SLC24A2: variants seen among roughly 807,000 people sequenced by gnomAD.
The protein encoded by SLC24A2 is solute carrier family 24 member 2, also known as sodium/potassium/calcium exchanger 2.
Under a neutral mutation model 62.0 loss-of-function variants are expected in SLC24A2, and 36 were observed. The observed-to-expected ratio is 0.58, with a 90% confidence interval of 0.44 to 0.77. The LOEUF (loss-of-function observed/expected upper bound fraction) is 0.77, where lower values mean the gene tolerates loss of function less well. SLC24A2 is among the 30% of genes least tolerant of loss of function. The probability of loss-of-function intolerance (pLI) is 0.00; values close to 1 mark genes in which losing one functional copy is unlikely to be tolerated. For synonymous variants in SLC24A2, 358 were observed against 294.0 expected (o/e 1.22, Z -2.23); for missense variants, 846 against 817.9 (o/e 1.03, Z -0.42).
chr9:19,859,477 C>T, the SLC24A2 span, among the ~76,000 whole-genome samples: 239 of 152,060 alleles, frequency 1.6e-3, 7 homozygotes, highest in South Asian at 0.047. Flanking sequence ...CAAACGTGCA[C>T]GTGTATCCCT....
chr9:19,818,007 C>G, the SLC24A2 span, among the ~76,000 whole-genome samples: 3 of 152,084 alleles, frequency 2.0e-5, no homozygotes, highest in Non-Finnish European at 4.4e-5. Context: ...TTTAGCCTCC[C>G]AAAGTGCTGG....
At chr9:20,173,037 A>T in the SLC24A2 span, among the ~76,000 whole-genome samples, 820 of 152,194 alleles carry the variant, frequency 5.4e-3, 13 homozygotes, top group African/African-American at 0.019. Context: ...CATAAACAAG[A>T]CAATAAATGT....
chr9:19,616,153 AT>A (rs952578455), intron 4 of SLC24A2, among the ~76,000 whole-genome samples: 6 of 151,798 alleles, frequency 4.0e-5, no homozygotes, highest in Non-Finnish European at 8.8e-5. Flanking sequence ...GGAAGAAGAC[AT>A]TTTTTTTCAC....
chr9:20,046,314 A>G, the SLC24A2 span, among the ~76,000 whole-genome samples: 1 of 152,208 alleles, frequency 6.6e-6, no homozygotes, highest in Non-Finnish European at 1.5e-5. Flanking sequence ...AAAGAAAGGG[A>G]CAGGCAGACA....
chr9:20,000,133 A>G, the SLC24A2 span, among the ~76,000 whole-genome samples: 1 of 152,234 alleles, frequency 6.6e-6, no homozygotes, highest in African/African-American at 2.4e-5. Flanking sequence ...TGTAAAATGG[A>G]GGTAATAATT....
chr9:20,233,902 G>C, the SLC24A2 span, among the ~76,000 whole-genome samples: 2 of 152,202 alleles, frequency 1.3e-5, no homozygotes, highest in Non-Finnish European at 2.9e-5. Context: ...TCCTTCAGGA[G>C]CTCTTTTAGG....
intron 2 of SLC24A2, among the ~76,000 whole-genome samples, chr9:19,677,733 T>C (rs1587138645): frequency 6.6e-6 from 1 of 151,490 alleles, no homozygotes; most frequent in African/African-American, 2.4e-5. Context: ...GTATACAATA[T>C]ACAAAGTGGT....
intron 2 of SLC24A2, among the ~76,000 whole-genome samples, chr9:19,667,462 C>T (rs566388804): frequency 4.1e-4 from 63 of 152,270 alleles, no homozygotes; most frequent in Middle Eastern, 3.4e-3. Context: ...AGTTCTACCT[C>T]CCAATTACTG....
At chr9:20,131,056 G>C in the SLC24A2 span, among the ~76,000 whole-genome samples, 1 of 151,356 alleles carries the variant, frequency 6.6e-6, no homozygotes, top group African/African-American at 2.5e-5. Context: ...CTATTTTCAA[G>C]AATGTGGGCT....
chr9:19,690,925 GAGAGAGAGAGAC>G (rs910788255), intron 2 of SLC24A2, among the ~76,000 whole-genome samples: 11 of 151,798 alleles, frequency 7.2e-5, no homozygotes, highest in South Asian at 2.1e-4. Flanking sequence ...GTGTGAGAGA[GAGAGAGAGAGAC>G]AGAGAGAGAG....
At chr9:20,134,311 T>C in the SLC24A2 span, among the ~76,000 whole-genome samples, 1 of 152,166 alleles carries the variant, frequency 6.6e-6, no homozygotes, top group African/African-American at 2.4e-5. Context: ...TAAGGATTTT[T>C]GTTGTTGTCA....
the SLC24A2 span, among the ~76,000 whole-genome samples, chr9:19,935,406 A>G: frequency 8.2e-6 from 1 of 122,002 alleles, no homozygotes; most frequent in African/African-American, 2.7e-5. Context: ...TAAACAAACA[A>G]AACAAAAAAA....
chr9:19,610,781 C>A (rs563865375), intron 4 of SLC24A2, among the ~76,000 whole-genome samples: 2 of 152,362 alleles, frequency 1.3e-5, no homozygotes, highest in South Asian at 4.1e-4. Context: ...AGCCCTTTGA[C>A]AGGGCATGGA....
chr9:20,059,289 A>C, the SLC24A2 span, among the ~76,000 whole-genome samples: 1 of 152,188 alleles, frequency 6.6e-6, no homozygotes, highest in Admixed American at 6.5e-5. Context: ...ATAACAGTAT[A>C]AACCAGCTAG....
At chr9:19,595,649 G>A (rs1448594589) in intron 5 of SLC24A2, among the ~76,000 whole-genome samples, 2 of 152,168 alleles carry the variant, frequency 1.3e-5, no homozygotes, top group Non-Finnish European at 2.9e-5. Context: ...ATTGTCTGGT[G>A]TAGGGAGGAA....
rs777234390 is a variant in SLC24A2, at chr9:19,786,515, C to G, written c.352G>C (p.Gly118Arg). ...ESENSTDHAQGDYPKDIFSLE... is the reference protein window; with the variant it reads ...ESENSTDHAQRDYPKDIFSLE... ...GAAAAGATGTCTTTCGGGTAGTCTC[C>G]TTGGGCGTGATCTGTACTATTCTCA... is the stretch of plus-strand genomic sequence containing the variant. The change falls in exon 2 of 11, where the codon GGA becomes CGA. Residue 118 changes from glycine to arginine, a missense_variant. By Grantham distance (125) the Gly-to-Arg change is moderately radical. Transcript: ENST00000341998. This position sits in a 1 kb window ranked among gnomAD's most constrained non-coding sequence, Gnocchi z 5.0. The G allele has an allele frequency of 1.2e-6, 2 of 1,614,148 alleles. No individual in the cohort carries two copies. Among genetic ancestry groups the G allele is most frequent in the Non-Finnish European group, 1.7e-6 (2 of 1,180,028 alleles).
chr9:20,269,754 G>C, the SLC24A2 span, among the ~76,000 whole-genome samples: 4 of 152,156 alleles, frequency 2.6e-5, no homozygotes, highest in African/African-American at 9.6e-5. Context: ...TACTACATCT[G>C]TCAATCTGAG....
chr9:20,155,472 T>C, the SLC24A2 span, among the ~76,000 whole-genome samples: 1 of 151,880 alleles, frequency 6.6e-6, no homozygotes, highest in Non-Finnish European at 1.5e-5. Flanking sequence ...TCTTAGATAT[T>C]TGTGGATTTT....
the SLC24A2 span, among the ~76,000 whole-genome samples, chr9:19,851,810 T>C: frequency 1.3e-5 from 2 of 152,240 alleles, no homozygotes; most frequent in Admixed American, 6.5e-5. Flanking sequence ...TGTATCTTTA[T>C]AATAGAATTA....
Sources: allele counts gnomAD v4.1 joint callset (sites outside exome capture counted in the v4.1 genomes callset), GRCh38; gene constraint gnomAD v4.1.1; non-coding constraint Gnocchi (gnomAD v3.1); transcripts MANE v1.5; gene names NCBI Gene and HGNC (gene_info 2026-07-23, HGNC 2026-07-21).